Variants in SNTG1 observed in about 807,000 individuals in gnomAD.
SNTG1 encodes gamma-1-syntrophin.
A neutral mutation model predicts 74.7 loss-of-function variants in SNTG1; 39 were observed. The observed-to-expected ratio is 0.52, with a 90% CI of 0.40 to 0.68. The LOEUF (loss-of-function observed/expected upper bound fraction) is 0.68, where lower values mean the gene tolerates loss of function less well. SNTG1 is among the 30% of genes least tolerant of loss of function. The pLI, the probability that SNTG1 is intolerant of heterozygous loss-of-function variation, is 0.00. For missense variants in SNTG1, 685 were observed against 609.5 expected, an observed-to-expected ratio of 1.12 and a Z score of -1.30; for synonymous variants, 254 against 217.1, an observed-to-expected ratio of 1.17 and a Z score of -1.49.
intron 1 of SNTG1, among the ~76,000 whole-genome samples, chr8:49,916,095 CAG>C (rs950208536): frequency 1.3e-5 from 2 of 151,884 alleles, no homozygotes; most frequent in African/African-American, 4.8e-5. Flanking sequence ...CAGTTATTTC[CAG>C]CATTGTTTTG....
At position 50,747,192 on chromosome 8, in the gene SNTG1, G is replaced by A. The variant is rs532260356; in HGVS notation, c.1285-4809G>A. On this transcript the variant is annotated intron_variant, in intron 17 of 18. Transcript: ENST00000642720. ...TACAAATCTGGAAAAGTAGTATAAT[G>A]CACTGTAGGCCTATATAAATTGAAA... 5.7e-4 allele frequency among the ~76,000 whole-genome samples: 86 copies of A among 151,962 alleles called. 1 individual carries two copies. The highest frequency in any genetic ancestry group is 9.8e-4 in the Admixed American group (15 of 15,238).
intron 1 of SNTG1, among the ~76,000 whole-genome samples, chr8:49,927,053 A>C (rs1807091007): frequency 6.6e-6 from 1 of 152,200 alleles, no homozygotes; most frequent in Admixed American, 6.5e-5. Flanking sequence ...GCCACTGCAC[A>C]ACAAAAAAAT....
At chr8:49,914,068 T>C (rs1390311042) in intron 1 of SNTG1, among the ~76,000 whole-genome samples, 1 of 152,174 alleles carries the variant, frequency 6.6e-6, no homozygotes, top group Non-Finnish European at 1.5e-5. Context: ...AATCCTTATC[T>C]GTAGGGAAAT....
intron 2 of SNTG1, among the ~76,000 whole-genome samples, chr8:50,189,279 AT>A (rs985185942): frequency 1.7e-4 from 26 of 151,304 alleles, no homozygotes; most frequent in East Asian, 5.8e-4. Context: ...GTCATTGTTT[AT>A]TTTTTTTTCA....
At chr8:50,442,527 A>C (rs1304040223) in intron 5 of SNTG1, among the ~76,000 whole-genome samples, 1 of 152,060 alleles carries the variant, frequency 6.6e-6, no homozygotes, top group East Asian at 1.9e-4. Flanking sequence ...TGCCTTTCAG[A>C]GGCATCCTCA....
At chr8:50,704,103 T>C (rs891382799) in intron 15 of SNTG1, among the ~76,000 whole-genome samples, 3 of 145,632 alleles carry the variant, frequency 2.1e-5, no homozygotes, top group African/African-American at 5.2e-5. Context: ...ACAAGTAAGG[T>C]AAATAATGCG....
intron 2 of SNTG1, among the ~76,000 whole-genome samples, chr8:50,212,739 G>A (rs1441813587): frequency 1.3e-5 from 2 of 152,170 alleles, no homozygotes; most frequent in Non-Finnish European, 2.9e-5. Context: ...TTCAAATTCT[G>A]AAAGTGCTGT....
At chr8:50,708,575 A>G (rs551083971) in intron 16 of SNTG1, 1 of 253,190 alleles carries the variant, frequency 3.9e-6, no homozygotes, top group South Asian at 1.7e-4. Context: ...AAAACTTTTT[A>G]TATTATATAC....
At chr8:50,050,335 A>T (rs1380599260) in intron 1 of SNTG1, among the ~76,000 whole-genome samples, 1 of 151,928 alleles carries the variant, frequency 6.6e-6, no homozygotes, top group Non-Finnish European at 1.5e-5. Flanking sequence ...TGTGCTTACA[A>T]ATTTGATAAC....
intron 13 of SNTG1, 152 bp downstream of exon 13, chr8:50,591,069 A>G: frequency 4.3e-6 from 2 of 469,788 alleles, no homozygotes; most frequent in Non-Finnish European, 7.4e-6. Flanking sequence ...TATCTCCTTC[A>G]TATTATGTAA....
chr8:50,348,858 G>C (rs2091562205), intron 2 of SNTG1, among the ~76,000 whole-genome samples: 1 of 152,136 alleles, frequency 6.6e-6, no homozygotes. Flanking sequence ...TCTAGTTTAA[G>C]TTTTGCCTTT....
chr8:50,297,072 G>A (rs959363795), intron 2 of SNTG1, among the ~76,000 whole-genome samples: 2 of 152,070 alleles, frequency 1.3e-5, no homozygotes, highest in Non-Finnish European at 2.9e-5. Flanking sequence ...ATATTTTCAT[G>A]GTCTTTAATT....
intron 1 of SNTG1, among the ~76,000 whole-genome samples, chr8:50,053,776 A>G (rs1819788429): frequency 6.6e-6 from 1 of 151,848 alleles, no homozygotes; most frequent in South Asian, 2.1e-4. Flanking sequence ...AATTAATTCC[A>G]GCCATTTATT....
At chr8:49,990,534 T>C (rs868867009) in intron 1 of SNTG1, among the ~76,000 whole-genome samples, 1 of 152,048 alleles carries the variant, frequency 6.6e-6, no homozygotes, top group African/African-American at 2.4e-5. Context: ...ATATATGTAT[T>C]ACAAAACTAC....
chr8:50,276,025 T>TA (rs1207874040), intron 2 of SNTG1, among the ~76,000 whole-genome samples: 1 of 152,240 alleles, frequency 6.6e-6, no homozygotes, highest in African/African-American at 2.4e-5. Context: ...TTTTATTTTT[T>TA]AACTTATTTT....
chr8:50,779,885 C>T (rs2095653591), intron 18 of SNTG1, among the ~76,000 whole-genome samples: 1 of 149,152 alleles, frequency 6.7e-6, no homozygotes, highest in African/African-American at 2.5e-5. Context: ...CCATCAATAC[C>T]TAATTTATTG....
In SNTG1 at chr8:50,784,765, C is replaced by T. The variant is rs552763591; in HGVS notation, c.1396-7906C>T. Among the ~76,000 whole-genome samples the T allele has an allele frequency of 9.9e-5, 15 of 152,220 alleles. No homozygotes were observed. In the South Asian group the frequency reaches 3.1e-3, roughly 32 times the overall value. The stretch of plus-strand genomic sequence containing the variant: ...AAATATGCTAATATCTAAGATCTAA[C>T]TACAATACACTAATATCTAAGATCA... On this transcript the variant is annotated intron_variant, in intron 18 of 18. Transcript: ENST00000642720.
intron 2 of SNTG1, among the ~76,000 whole-genome samples, chr8:50,292,970 A>G (rs530761484): frequency 6.6e-6 from 1 of 152,246 alleles, no homozygotes; most frequent in African/African-American, 2.4e-5. Flanking sequence ...ACCTGAGGGA[A>G]GACACAGTGG....
chr8:50,435,913 T>C (rs967741328), intron 4 of SNTG1, among the ~76,000 whole-genome samples: 5 of 152,120 alleles, frequency 3.3e-5, no homozygotes, highest in Non-Finnish European at 7.4e-5. Flanking sequence ...GATTAGAGAG[T>C]GGGCTTGTAG....
Sources: allele counts gnomAD v4.1 joint callset (sites outside exome capture counted in the v4.1 genomes callset), GRCh38; gene constraint gnomAD v4.1.1; transcripts MANE v1.5; gene names NCBI Gene and HGNC (gene_info 2026-07-23, HGNC 2026-07-21).